Variants in NTM observed in about 807,000 individuals in gnomAD.
NTM encodes neurotrimin.
Under a neutral mutation model 42.1 loss-of-function variants are expected in NTM, and 13 were observed. That is an observed-to-expected ratio of 0.31 (90% CI 0.20 to 0.49). The LOEUF (loss-of-function observed/expected upper bound fraction) is 0.49, where lower values mean the gene tolerates loss of function less well. Among genes scored for constraint, NTM ranks in the 20% least tolerant of loss-of-function variants. The pLI, the probability that NTM is intolerant of heterozygous loss-of-function variation, is 0.99. For missense variants in NTM, 373 were observed against 452.8 expected (o/e 0.82, Z 1.60); for synonymous variants, 187 against 179.2 (o/e 1.04, Z -0.35).
chr11:132,074,408 G>C (rs2058093633), intron 2 of NTM, among the ~76,000 whole-genome samples: 1 of 152,104 alleles, frequency 6.6e-6, no homozygotes, highest in Admixed American at 6.5e-5. Flanking sequence ...TATATCAGCA[G>C]CAAGGATTAA....
At chr11:132,014,926 T>G (rs1302730553) in intron 2 of NTM, among the ~76,000 whole-genome samples, 1 of 152,032 alleles carries the variant, frequency 6.6e-6, no homozygotes, top group African/African-American at 2.4e-5. Context: ...TTTGTTTTTG[T>G]TGTCTGTGCT....
chr11:131,414,358 C>T (rs1946731410), intron 1 of NTM, among the ~76,000 whole-genome samples: 1 of 152,166 alleles, frequency 6.6e-6, no homozygotes, highest in South Asian at 2.1e-4. Context: ...TGCCTCTGGC[C>T]TGCCCATTGC....
intron 1 of NTM, among the ~76,000 whole-genome samples, chr11:131,820,542 AT>A (rs1308187973): frequency 6.6e-6 from 1 of 152,170 alleles, no homozygotes. Context: ...ACCTAGATTA[AT>A]TTTTTTAAAT....
intron 2 of NTM, among the ~76,000 whole-genome samples, chr11:132,016,343 C>G (rs2073406976): frequency 6.6e-6 from 1 of 151,884 alleles, no homozygotes; most frequent in Non-Finnish European, 1.5e-5. Flanking sequence ...CCACAGTTAA[C>G]CTCCATTTCT....
chr11:131,584,127 C>T (rs2058650221), intron 1 of NTM, among the ~76,000 whole-genome samples: 1 of 152,232 alleles, frequency 6.6e-6, no homozygotes, highest in South Asian at 2.1e-4. Context: ...CAGAGGTTAA[C>T]TGGCTGACAA....
chr11:131,914,253 G>A (rs1266781935), intron 2 of NTM, among the ~76,000 whole-genome samples: 1 of 152,198 alleles, frequency 6.6e-6, no homozygotes, highest in African/African-American at 2.4e-5. Context: ...TGTATTGTGT[G>A]TGTGTAGGGG....
At position 132,172,158 on chromosome 11, in the gene NTM, C is replaced by A. The variant is rs545178152; in HGVS notation, c.400+25644C>A. 3.9e-5 allele frequency among the ~76,000 whole-genome samples: 6 copies of A among 152,302 alleles called. No individual in the cohort carries two copies. In the South Asian group the frequency reaches 1.2e-3, roughly 32 times the overall value. On this transcript the variant is annotated intron_variant, in intron 3 of 8. Transcript: ENST00000683400. The stretch of plus-strand genomic sequence containing the variant: ...AAGTTTGGACCACTCTTGGTCCAAA[C>A]AGCTATTGTTGAGATGAACATAGAG...
intron 4 of NTM, among the ~76,000 whole-genome samples, chr11:132,218,863 A>G (rs1195787406): frequency 6.6e-6 from 1 of 152,200 alleles, no homozygotes; most frequent in Non-Finnish European, 1.5e-5. Context: ...GAGCAAAGGC[A>G]GCAATGTGTC....
intron 2 of NTM, among the ~76,000 whole-genome samples, chr11:132,057,361 A>G (rs2079866860): frequency 6.6e-6 from 1 of 152,184 alleles, no homozygotes; most frequent in Non-Finnish European, 1.5e-5. Flanking sequence ...GTGATGTGGT[A>G]GTGCAAAAAC....
At position 132,205,368 on chromosome 11, in the gene NTM, A is replaced by T. The variant is rs563110893; in HGVS notation, c.401-6654A>T. Among the ~76,000 whole-genome samples the T allele has an allele frequency of 1.2e-4, 19 of 152,342 alleles. No homozygotes were observed. The South Asian group carries it at 3.9e-3, about 32-fold the overall frequency. On this transcript the variant is annotated intron_variant, in intron 3 of 8. Coordinates refer to ENST00000683400, the MANE Select transcript of NTM (RefSeq NM_001352005.2). ...CAAATTGCTATTTATTAATGACATAATTATTAAAACTCAACACCTGGGCAG... is the reference window on the plus strand; with the variant it reads ...CAAATTGCTATTTATTAATGACATATTTATTAAAACTCAACACCTGGGCAG...
At position 132,133,149 on chromosome 11, in the gene NTM, C is replaced by T. The variant is rs533678805; in HGVS notation, c.168-13133C>T. 3.9e-5 allele frequency among the ~76,000 whole-genome samples: 6 copies of T among 152,302 alleles called. 1 individual carries two copies. The highest frequency in any genetic ancestry group is 1.2e-4 in the African/African-American group (5 of 41,564). ...TAGGTTCCTTATTGATAAATTATCT[C>T]CCATGTCTCTCCCAGCACCATATTT... On this transcript the variant is annotated intron_variant, in intron 2 of 8. Coordinates refer to ENST00000683400, the MANE Select transcript of NTM (RefSeq NM_001352005.2).
At chr11:131,437,139 G>T (rs1404946740) in intron 1 of NTM, among the ~76,000 whole-genome samples, 1 of 152,210 alleles carries the variant, frequency 6.6e-6, no homozygotes, top group East Asian at 1.9e-4. Context: ...TTGCACTGTG[G>T]TCTGAGAGAC....
chr11:131,521,149 C>A (rs1224221141), intron 1 of NTM, among the ~76,000 whole-genome samples: 1 of 151,498 alleles, frequency 6.6e-6, no homozygotes, highest in East Asian at 2.0e-4. Context: ...ATGGTGAAAC[C>A]CCATCTTTAC....
At chr11:132,108,854 C>T (rs1040955741) in intron 2 of NTM, among the ~76,000 whole-genome samples, 1 of 152,134 alleles carries the variant, frequency 6.6e-6, no homozygotes. Context: ...TCCTTACCCC[C>T]ACTCACCAGC....
At position 132,030,554 on chromosome 11, in the gene NTM, G is replaced by A. The variant is rs572689383; in HGVS notation, c.168-115728G>A. 1.1e-4 allele frequency among the ~76,000 whole-genome samples: 16 copies of A among 152,336 alleles called. No individual in the cohort carries two copies. In the East Asian group the frequency reaches 2.7e-3, roughly 26 times the overall value. ...GGCCAGGGGCTTAAATGGGACTAGA[G>A]ATAGAGGTGGTCTTGGAAGCCCTCT... On this transcript the variant is annotated intron_variant, in intron 2 of 8. Coordinates refer to ENST00000683400, the MANE Select transcript of NTM (RefSeq NM_001352005.2).
In NTM at chr11:132,017,632, C is replaced by G. The variant is rs1370039890; in HGVS notation, c.167+105984C>G. Among the ~76,000 whole-genome samples the G allele has an allele frequency of 2.6e-5, 4 of 151,840 alleles. No individual in the cohort carries two copies. The East Asian group carries it at 7.7e-4, about 29-fold the overall frequency. ...TGGTTTTCTTTTGTTTTAGTTTTTT[C>G]TATATCTTTTGCATATCTATATATA... On this transcript the variant is annotated intron_variant, in intron 2 of 8. Transcript: ENST00000683400.
chr11:131,592,043 T>C (rs1299236755), intron 1 of NTM, among the ~76,000 whole-genome samples: 2 of 152,222 alleles, frequency 1.3e-5, no homozygotes, highest in African/African-American at 2.4e-5. Flanking sequence ...TGGATAATGA[T>C]GTTCCTCATA....
intron 1 of NTM, among the ~76,000 whole-genome samples, chr11:131,613,951 A>G (rs1158760023): frequency 6.6e-6 from 1 of 152,000 alleles, no homozygotes; most frequent in Non-Finnish European, 1.5e-5. Context: ...TTGTCTGTGA[A>G]ATTCTCTTTC....
At chr11:132,013,804 G>C (rs568108670) in intron 2 of NTM, among the ~76,000 whole-genome samples, 7 of 151,992 alleles carry the variant, frequency 4.6e-5, no homozygotes, top group Non-Finnish European at 8.8e-5. Context: ...ATTTTGTTAC[G>C]TGTATAGAAT....
Sources: gnomAD v4.1 joint callset for allele counts (sites outside exome capture counted in the v4.1 genomes callset) on GRCh38, gnomAD v4.1.1 for gene constraint, MANE v1.5 for transcripts, NCBI Gene and HGNC (gene_info 2026-07-23, HGNC 2026-07-21) for gene names.